Variants in GPC3 observed in about 807,000 individuals in gnomAD.
The protein encoded by GPC3 is glypican 3.
GPC3 carries 3 observed loss-of-function variants against 34.4 expected under a neutral mutation model. The ratio of observed to expected loss-of-function variants is 0.09; its 90% CI spans 0.04 to 0.23. The LOEUF (loss-of-function observed/expected upper bound fraction) is 0.23. Ranked by LOEUF, GPC3 falls within the 10% of genes least tolerant of loss-of-function variation. The pLI is 1.00. For synonymous variants in GPC3, 177 were observed against 174.0 expected, an observed-to-expected ratio of 1.02 and a Z score of -0.13; for missense variants, 351 against 445.6, an observed-to-expected ratio of 0.79 and a Z score of 1.91.
At chrX:133,891,636 A>T (rs1211259083) in intron 2 of GPC3, among the ~76,000 whole-genome samples, 4 of 107,054 alleles carry the variant, frequency 3.7e-5, no homozygotes, top group Non-Finnish European at 7.7e-5. Context: ...AAATAAATAA[A>T]TAATTATTAT....
chrX:133,665,601 A>G (rs1279785062), intron 5 of GPC3, among the ~76,000 whole-genome samples: 10 of 112,364 alleles, frequency 8.9e-5, no homozygotes. Context: ...TTCTTCTAAA[A>G]TGATAGCTTA....
intron 4 of GPC3, among the ~76,000 whole-genome samples, chrX:133,693,482 T>A: frequency 8.9e-6 from 1 of 111,966 alleles, no homozygotes; most frequent in East Asian, 2.8e-4. Flanking sequence ...AATTAAAGCA[T>A]CCTTCACATC....
At chrX:133,883,938 G>A (rs1427348130) in intron 2 of GPC3, among the ~76,000 whole-genome samples, 1 of 111,596 alleles carries the variant, frequency 9.0e-6, no homozygotes, top group Non-Finnish European at 1.9e-5. Flanking sequence ...TATGTTGAAT[G>A]GTCTTTGAAA....
chrX:133,702,213 T>C (rs1181772431), intron 3 of GPC3, among the ~76,000 whole-genome samples: 2 of 112,132 alleles, frequency 1.8e-5, no homozygotes, highest in East Asian at 5.6e-4. Flanking sequence ...GCCAAATAAA[T>C]GAGGGCAGAC....
At chrX:133,636,772 C>T (rs2070430040) in intron 6 of GPC3, among the ~76,000 whole-genome samples, 1 of 111,933 alleles carries the variant, frequency 8.9e-6, no homozygotes, top group Non-Finnish European at 1.9e-5. Context: ...AGCCCCAAAC[C>T]TCTGCTGTTG....
At chrX:133,710,882 T>C (rs2071260017) in intron 3 of GPC3, among the ~76,000 whole-genome samples, 1 of 112,397 alleles carries the variant, frequency 8.9e-6, no homozygotes, top group Admixed American at 9.4e-5. Context: ...TCTTATGCAT[T>C]ACCAATCCCT....
At chrX:133,983,694 AG>A (rs1405387014) in intron 1 of GPC3, among the ~76,000 whole-genome samples, 1 of 111,438 alleles carries the variant, frequency 9.0e-6, no homozygotes, top group Admixed American at 9.5e-5. Context: ...TACCAACAAA[AG>A]CATGTTCTCT....
intron 6 of GPC3, among the ~76,000 whole-genome samples, chrX:133,627,370 A>G (rs2070316027): frequency 8.9e-6 from 1 of 111,927 alleles, no homozygotes; most frequent in Non-Finnish European, 1.9e-5. Flanking sequence ...TTCAAAAGTC[A>G]AAAGTATTCT....
chrX:133,594,073 G>T (rs1386742661), intron 7 of GPC3, among the ~76,000 whole-genome samples: 1 of 110,870 alleles, frequency 9.0e-6, no homozygotes, highest in Admixed American at 9.6e-5. Context: ...TCCAGCCTGG[G>T]CAACAAGAGC....
intron 2 of GPC3, among the ~76,000 whole-genome samples, chrX:133,800,895 C>A (rs886235301): frequency 8.9e-6 from 1 of 111,825 alleles, no homozygotes; most frequent in Non-Finnish European, 1.9e-5. Context: ...AAGTATTAAA[C>A]AGCCATTTAA....
chrX:133,686,294 AC>A (rs1240874547), intron 5 of GPC3, among the ~76,000 whole-genome samples: 7 of 111,335 alleles, frequency 6.3e-5, no homozygotes, highest in Non-Finnish European at 1.1e-4. Flanking sequence ...GGTTTGGCTG[AC>A]CTGTCTTCAA....
intron 3 of GPC3, among the ~76,000 whole-genome samples, chrX:133,733,287 G>A (rs1204628111): frequency 1.8e-5 from 2 of 110,445 alleles, no homozygotes; most frequent in African/African-American, 6.6e-5. Flanking sequence ...GGACTCAGAA[G>A]GGGGAGGGTG....
intron 2 of GPC3, among the ~76,000 whole-genome samples, chrX:133,810,773 C>T (rs923684966): frequency 3.0e-5 from 3 of 101,192 alleles, no homozygotes; most frequent in African/African-American, 7.2e-5. Flanking sequence ...GGCATATTGG[C>T]GGGCGCCTGT....
chrX:133,867,418 G>A (rs1052208313), intron 2 of GPC3, among the ~76,000 whole-genome samples: 6 of 110,269 alleles, frequency 5.4e-5, no homozygotes, highest in African/African-American at 1.6e-4. Context: ...TTGCAACTGG[G>A]GAAATGAGAA....
At chrX:133,916,405 T>C (rs2076225244) in intron 2 of GPC3, among the ~76,000 whole-genome samples, 1 of 111,826 alleles carries the variant, frequency 8.9e-6, no homozygotes, top group Admixed American at 9.5e-5. Flanking sequence ...CTTAGTATTA[T>C]GGGTGAATAA....
intron 7 of GPC3, among the ~76,000 whole-genome samples, chrX:133,549,221 C>T (rs1362515834): frequency 9.0e-6 from 1 of 111,272 alleles, no homozygotes; most frequent in Non-Finnish European, 1.9e-5. Flanking sequence ...TCCCCACCAC[C>T]GCCACCCACA....
intron 6 of GPC3, among the ~76,000 whole-genome samples, chrX:133,643,561 A>C (rs1231306862): frequency 8.9e-6 from 1 of 111,950 alleles, no homozygotes; most frequent in African/African-American, 3.2e-5. Context: ...AATTACTGTA[A>C]TACTACTAAT....
chrX:133,794,558 C>CT (rs1489239766), intron 2 of GPC3, among the ~76,000 whole-genome samples: 1 of 111,837 alleles, frequency 8.9e-6, no homozygotes, highest in Non-Finnish European at 1.9e-5. Flanking sequence ...TTCTCTATTC[C>CT]TTTTTTGCGG....
intron 2 of GPC3, among the ~76,000 whole-genome samples, chrX:133,925,745 A>G (rs895566653): frequency 1.8e-5 from 2 of 111,843 alleles, no homozygotes; most frequent in Non-Finnish European, 3.8e-5. Flanking sequence ...GGTTGCCTCA[A>G]TAAAAGTAAT....
Sources: gnomAD v4.1 joint callset for allele counts (sites outside exome capture counted in the v4.1 genomes callset) on GRCh38, gnomAD v4.1.1 for gene constraint, MANE v1.5 for transcripts, NCBI Gene and HGNC (gene_info 2026-07-23, HGNC 2026-07-21) for gene names.